FAM185A: variants seen among roughly 807,000 people sequenced by gnomAD.
FAM185A encodes the protein protein FAM185A.
FAM185A carries 21 observed loss-of-function variants against 45.7 expected under a neutral mutation model. That is an observed-to-expected ratio of 0.46 (90% CI 0.33 to 0.66). The LOEUF (loss-of-function observed/expected upper bound fraction) is 0.66, where lower values mean the gene tolerates loss of function less well. Ranked by LOEUF, FAM185A falls within the 30% of genes least tolerant of loss-of-function variation. The pLI, the probability that FAM185A is intolerant of heterozygous loss-of-function variation, is 0.03. For synonymous variants in FAM185A, 117 were observed against 194.0 expected, an observed-to-expected ratio of 0.60 and a Z score of 3.30; for missense variants, 305 against 485.4, an observed-to-expected ratio of 0.63 and a Z score of 3.49.
At chr7:102,829,988 A>G in the FAM185A span, among the ~76,000 whole-genome samples, 1 of 152,182 alleles carries the variant, frequency 6.6e-6, no homozygotes, top group Non-Finnish European at 1.5e-5. Context: ...GACCAGAACA[A>G]TTCAGATGGT....
intron 7 of FAM185A, among the ~76,000 whole-genome samples, chr7:102,792,910 C>T (rs967215169): frequency 6.6e-6 from 1 of 152,134 alleles, no homozygotes; most frequent in African/African-American, 2.4e-5. Context: ...TCATAAGATG[C>T]CACTTTAAAA....
intron 1 of FAM185A, 107 bp downstream of exon 1, chr7:102,749,765 A>G: frequency 6.9e-7 from 1 of 1,456,974 alleles, no homozygotes; most frequent in South Asian, 1.5e-5. Context: ...TCTAAACCTA[A>G]TTTACAGTTG....
chr7:102,822,136 C>T, the FAM185A span: 4 of 1,614,162 alleles, frequency 2.5e-6, no homozygotes, highest in Non-Finnish European at 3.4e-6. Context: ...CAAGACACAA[C>T]CAGAGATATC....
chr7:102,812,840 CTTTTTTTTTTT>C (rs908090315), downstream of FAM185A, among the ~76,000 whole-genome samples: 1 of 122,566 alleles, frequency 8.2e-6, no homozygotes, highest in Non-Finnish European at 1.8e-5. Flanking sequence ...GATTTGGCTT[CTTTTTTTTTTT>C]TTTTTTTTTG....
chr7:102,831,433 C>A, the FAM185A span, among the ~76,000 whole-genome samples: 4 of 130,876 alleles, frequency 3.1e-5, no homozygotes, highest in Admixed American at 3.0e-4. Flanking sequence ...ACACACACAC[C>A]CCACTACAGA....
At chr7:102,769,691 A>G (rs1290683254) in intron 4 of FAM185A, among the ~76,000 whole-genome samples, 1 of 152,142 alleles carries the variant, frequency 6.6e-6, no homozygotes, top group Non-Finnish European at 1.5e-5. Context: ...AAGCTTATAT[A>G]TTACAGTTCT....
At chr7:102,806,923 T>TGGA (rs1421893067) in intron 7 of FAM185A, among the ~76,000 whole-genome samples, 1 of 152,018 alleles carries the variant, frequency 6.6e-6, no homozygotes, top group African/African-American at 2.4e-5. Flanking sequence ...AAGAAAGAGT[T>TGGA]CCGGAGGGGA....
intron 3 of FAM185A, among the ~76,000 whole-genome samples, chr7:102,760,234 A>G (rs1227507483): frequency 6.6e-6 from 1 of 152,072 alleles, no homozygotes; most frequent in African/African-American, 2.4e-5. Flanking sequence ...ATATATATTC[A>G]TAATAACTAA....
intron 6 of FAM185A, among the ~76,000 whole-genome samples, chr7:102,779,046 G>A (rs980929941): frequency 2.0e-5 from 3 of 152,198 alleles, no homozygotes; most frequent in Admixed American, 6.5e-5. Context: ...TTGGGCCTGG[G>A]AGTCACACCT....
rs1256179657 is a variant in FAM185A at position 102,776,223 on chromosome 7, T to C, written c.836-1030T>C. 2.0e-5 allele frequency among the ~76,000 whole-genome samples: 3 copies of C among 151,132 alleles called. 1 individual carries two copies. The highest frequency in any genetic ancestry group is 1.3e-4 in the Admixed American group (2 of 15,182). ...AGTAATAAAACCTCCTGATAAAATA[T>C]GCTTTTTAAGAGGCCTCTCTAAAAA... On this transcript the variant is annotated intron_variant, in intron 5 of 7. Coordinates refer to ENST00000413034, the MANE Select transcript of FAM185A (RefSeq NM_001145268.2).
downstream of FAM185A, among the ~76,000 whole-genome samples, chr7:102,809,936 G>A (rs1797336597): frequency 6.6e-6 from 1 of 152,004 alleles, no homozygotes; most frequent in Non-Finnish European, 1.5e-5. Flanking sequence ...TGCAAGATCT[G>A]ACTGTTTAAA....
At chr7:102,828,300 TCC>T in the FAM185A span, among the ~76,000 whole-genome samples, 2,897 of 152,300 alleles carry the variant, frequency 0.019, 84 homozygotes, top group African/African-American at 0.066. Flanking sequence ...GTCCTTCACG[TCC>T]CTTGTAAGTT....
chr7:102,840,541 C>G, the FAM185A span, among the ~76,000 whole-genome samples: 2 of 152,188 alleles, frequency 1.3e-5, no homozygotes, highest in Admixed American at 6.5e-5. Context: ...TGTTCTTAGT[C>G]TTTCCCAAGA....
rs1372063797 is a variant in FAM185A at position 102,808,568 on chromosome 7, T to G, written c.*166T>G. On this transcript the variant is annotated 3_prime_UTR_variant, in exon 8 of 8. Coordinates refer to ENST00000413034, the MANE Select transcript of FAM185A (RefSeq NM_001145268.2). Reference sequence around the variant, plus strand: ...TCAAAATTTGTGCTTTGCTATTGTATTCATTTTCTACTGCTCTGTAACAAA... The same window carrying G: ...TCAAAATTTGTGCTTTGCTATTGTAGTCATTTTCTACTGCTCTGTAACAAA... 1 of 590,518 alleles carries G rather than the reference T, an allele frequency of 1.7e-6. No individual in the cohort carries two copies. Among genetic ancestry groups the G allele is most frequent in the East Asian group, 2.9e-5 (1 of 35,066 alleles). The allele number at this position is 590,518 out of a possible 1,614,324, so 36.6% of individuals were successfully genotyped here.
chr7:102,835,703 G>A, the FAM185A span, among the ~76,000 whole-genome samples: 2 of 115,720 alleles, frequency 1.7e-5, no homozygotes, highest in South Asian at 3.2e-4. Context: ...TCCGCCTCCC[G>A]GGTTCACGCC....
intron 1 of FAM185A, among the ~76,000 whole-genome samples, chr7:102,750,454 G>A (rs1052589269): frequency 1.5e-4 from 23 of 152,124 alleles, no homozygotes; most frequent in Non-Finnish European, 2.9e-4. Flanking sequence ...CTTATCCACC[G>A]TTTGGCTGTC....
At chr7:102,837,952 C>T in the FAM185A span, among the ~76,000 whole-genome samples, 1 of 152,246 alleles carries the variant, frequency 6.6e-6, no homozygotes, top group Non-Finnish European at 1.5e-5. Context: ...TCTTTGCCAA[C>T]ATCTGGCATA....
chr7:102,752,650 T>C (rs945162329), intron 2 of FAM185A, among the ~76,000 whole-genome samples: 1 of 151,516 alleles, frequency 6.6e-6, no homozygotes, highest in African/African-American at 2.4e-5. Flanking sequence ...GGTCTTGCAC[T>C]CATGGGCTCA....
At chr7:102,815,072 T>A in the FAM185A span, among the ~76,000 whole-genome samples, 1 of 152,174 alleles carries the variant, frequency 6.6e-6, no homozygotes, top group Non-Finnish European at 1.5e-5. Context: ...GCATATAACA[T>A]TAGCACCATC....
Sources: gnomAD v4.1 joint callset for allele counts (sites outside exome capture counted in the v4.1 genomes callset) on GRCh38, gnomAD v4.1.1 for gene constraint, MANE v1.5 for transcripts, NCBI Gene and HGNC (gene_info 2026-07-23, HGNC 2026-07-21) for gene names.